CDH13: variants seen among roughly 807,000 people sequenced by gnomAD.
The protein encoded by CDH13 is cadherin-13.
CDH13 carries 24 observed loss-of-function variants against 63.8 expected under a neutral mutation model. That is an observed-to-expected ratio of 0.38 (90% CI 0.27 to 0.53). CDH13 has a LOEUF of 0.53. Ranked by LOEUF, CDH13 falls within the 20% of genes least tolerant of loss-of-function variation. The pLI, the probability that CDH13 is intolerant of heterozygous loss-of-function variation, is 0.85. For missense variants in CDH13, 1,049 were observed against 903.1 expected (o/e 1.16, Z -2.07); for synonymous variants, 503 against 355.3 (o/e 1.42, Z -4.67).
intron 10 of CDH13, among the ~76,000 whole-genome samples, chr16:83,703,511 G>C (rs1906555319): frequency 6.6e-6 from 1 of 152,168 alleles, no homozygotes; most frequent in Admixed American, 6.5e-5. Context: ...GACAAAAGTG[G>C]GACATCCAAG....
At chr16:83,145,760 G>C (rs779275290) in intron 4 of CDH13, among the ~76,000 whole-genome samples, 3 of 152,162 alleles carry the variant, frequency 2.0e-5, no homozygotes, top group Non-Finnish European at 4.4e-5. Context: ...CTGAGGAATA[G>C]AGGGGCTAGC....
rs538706065 is a variant in CDH13, at chr16:82,854,181, C to T, written c.46-4181C>T. Among the ~76,000 whole-genome samples the T allele has an allele frequency of 9.9e-4, 151 of 152,122 alleles. No individual in the cohort carries two copies. In the Middle Eastern group the frequency reaches 0.02, roughly 21 times the overall value. On this transcript the variant is annotated intron_variant, in intron 1 of 13. Transcript: ENST00000567109. ...TTGGGAGGCCGAGGCAGGCGGATCA[C>T]GAGGTCAGGATATCGAGACCACCCT...
intron 3 of CDH13, among the ~76,000 whole-genome samples, chr16:83,066,511 T>G (rs753781160): frequency 7.2e-5 from 11 of 151,806 alleles, no homozygotes; most frequent in Non-Finnish European, 1.3e-4. Context: ...TAGGGCTGAC[T>G]GATGCTTACA....
chr16:83,753,834 T>C (rs575242750), intron 11 of CDH13, among the ~76,000 whole-genome samples: 10 of 152,022 alleles, frequency 6.6e-5, no homozygotes, highest in African/African-American at 2.2e-4. Flanking sequence ...AGTTAAATTA[T>C]AAAAATCAGA....
At chr16:83,534,307 C>A (rs906094726) in intron 7 of CDH13, among the ~76,000 whole-genome samples, 2 of 152,228 alleles carry the variant, frequency 1.3e-5, no homozygotes, top group Non-Finnish European at 2.9e-5. Flanking sequence ...CCAGTCCCTT[C>A]ATTTTTCAGC....
intron 10 of CDH13, among the ~76,000 whole-genome samples, chr16:83,692,422 G>A (rs1904998974): frequency 6.6e-6 from 1 of 152,196 alleles, no homozygotes; most frequent in South Asian, 2.1e-4. Flanking sequence ...ATCATCTGAT[G>A]ACAGGGATGG....
At chr16:83,033,974 T>G (rs1916617595) in intron 3 of CDH13, among the ~76,000 whole-genome samples, 2 of 152,062 alleles carry the variant, frequency 1.3e-5, no homozygotes, top group South Asian at 4.2e-4. Context: ...GATCTACTCA[T>G]TTTGTTCAGT....
At chr16:83,012,100 C>A (rs1270248867) in intron 2 of CDH13, among the ~76,000 whole-genome samples, 2 of 152,116 alleles carry the variant, frequency 1.3e-5, no homozygotes, top group African/African-American at 2.4e-5. Context: ...TGGTGATACA[C>A]TGGCTTAAAA....
intron 8 of CDH13, among the ~76,000 whole-genome samples, chr16:83,643,396 C>T (rs1210339155): frequency 6.6e-6 from 1 of 150,756 alleles, no homozygotes; most frequent in African/African-American, 2.4e-5. Context: ...TATTTACAAA[C>T]GTGTGATCAC....
rs191261452 is a variant in CDH13 at position 82,627,985 on chromosome 16, C to T, written c.45+848C>T. Among the ~76,000 whole-genome samples, 34 of 152,372 alleles carry T rather than the reference C, an allele frequency of 2.2e-4. No homozygotes were observed. In the East Asian group the frequency reaches 4.6e-3, roughly 21 times the overall value. On this transcript the variant is annotated intron_variant, in intron 1 of 13. Coordinates refer to ENST00000567109, the MANE Select transcript of CDH13 (RefSeq NM_001257.5). ...TGTTAACCCTCAGAGCGCCACGGCGCGAGGGAAGGGCACGCCAACCAGGAG... is the reference window on the plus strand; with the variant it reads ...TGTTAACCCTCAGAGCGCCACGGCGTGAGGGAAGGGCACGCCAACCAGGAG...
At chr16:82,917,900 G>C (rs1363351453) in intron 2 of CDH13, among the ~76,000 whole-genome samples, 1 of 133,324 alleles carries the variant, frequency 7.5e-6, no homozygotes, top group Non-Finnish European at 1.5e-5. Context: ...GGGCAACAGA[G>C]AGAGACTCCA....
intron 7 of CDH13, among the ~76,000 whole-genome samples, chr16:83,523,899 C>G (rs1194817912): frequency 6.6e-6 from 1 of 152,168 alleles, no homozygotes; most frequent in African/African-American, 2.4e-5. Context: ...GAACCTGTGT[C>G]AGGACTCTAG....
intron 13 of CDH13, among the ~76,000 whole-genome samples, chr16:83,794,746 G>C (rs1567601315): frequency 6.6e-6 from 1 of 151,950 alleles, no homozygotes; most frequent in Non-Finnish European, 1.5e-5. Context: ...AAGACATAAG[G>C]CTCATTGGTA....
At chr16:83,315,475 C>A (rs532891242) in intron 5 of CDH13, among the ~76,000 whole-genome samples, 1 of 152,164 alleles carries the variant, frequency 6.6e-6, no homozygotes, top group Non-Finnish European at 1.5e-5. Context: ...CCAGTGAAAT[C>A]ACTGCTTTCT....
intron 3 of CDH13, among the ~76,000 whole-genome samples, chr16:83,069,283 C>A (rs12325111): frequency 6.6e-6 from 1 of 152,110 alleles, no homozygotes; most frequent in Admixed American, 6.6e-5. Context: ...CCACAGGGCT[C>A]TTTAGTGGAA....
intron 5 of CDH13, among the ~76,000 whole-genome samples, chr16:83,266,053 C>T (rs1233467520): frequency 6.6e-6 from 1 of 152,138 alleles, no homozygotes; most frequent in Non-Finnish European, 1.5e-5. Context: ...TCTCCTGCCT[C>T]AGCATCCCTA....
chr16:82,638,660 T>C (rs1908987898), intron 1 of CDH13, among the ~76,000 whole-genome samples: 1 of 152,042 alleles, frequency 6.6e-6, no homozygotes, highest in African/African-American at 2.4e-5. Context: ...AAAAATAAAG[T>C]TTGCTCCCCA....
chr16:83,240,786 T>G (rs1254097566), intron 5 of CDH13, among the ~76,000 whole-genome samples: 2 of 135,468 alleles, frequency 1.5e-5, no homozygotes, highest in Non-Finnish European at 3.1e-5. Context: ...GGCTTCTAAC[T>G]CCTGTGCTCA....
intron 6 of CDH13, chr16:83,397,786 T>A (rs8048808): frequency 1 from 151,714 of 152,372 alleles, 75,537 homozygotes; most frequent in Non-Finnish European, 1. Flanking sequence ...GGCAAGAATC[T>A]AATCTTTGTC....
Sources: gnomAD v4.1 joint callset for allele counts (sites outside exome capture counted in the v4.1 genomes callset) on GRCh38, gnomAD v4.1.1 for gene constraint, MANE v1.5 for transcripts, NCBI Gene and HGNC (gene_info 2026-07-23, HGNC 2026-07-21) for gene names.